LDLRAD4: variants seen among roughly 807,000 people sequenced by gnomAD.
LDLRAD4 encodes low-density lipoprotein receptor class A domain-containing protein 4.
LDLRAD4 carries 5 observed loss-of-function variants against 17.0 expected under a neutral mutation model. That is an observed-to-expected ratio of 0.29 (90% confidence interval 0.15 to 0.62). The LOEUF (loss-of-function observed/expected upper bound fraction) is 0.62. LDLRAD4 is among the 20% of genes least tolerant of loss of function. LDLRAD4 has a pLI of 0.84. For synonymous variants in LDLRAD4, 168 were observed against 171.8 expected (o/e 0.98, Z 0.17); for missense variants, 340 against 424.7 (o/e 0.80, Z 1.75).
At chr18:13,349,330 A>G (rs978663847) in intron 1 of LDLRAD4, among the ~76,000 whole-genome samples, 41 of 152,208 alleles carry the variant, frequency 2.7e-4, no homozygotes, top group African/African-American at 8.7e-4. Flanking sequence ...ATGTCTTTGT[A>G]TATTGTGTGT....
intron 3 of LDLRAD4, among the ~76,000 whole-genome samples, chr18:13,567,422 G>A (rs907250388): frequency 1.3e-5 from 2 of 152,196 alleles, no homozygotes; most frequent in African/African-American, 4.8e-5. Context: ...TGCTGCCGTA[G>A]GGCCTGCCTG....
chr18:13,556,610 C>G (rs1392781714), intron 3 of LDLRAD4, among the ~76,000 whole-genome samples: 1 of 152,156 alleles, frequency 6.6e-6, no homozygotes, highest in East Asian at 1.9e-4. Flanking sequence ...CTTCACAGAA[C>G]AGGGAGTACT....
At chr18:13,406,090 A>G (rs1323078089) in intron 2 of LDLRAD4, among the ~76,000 whole-genome samples, 1 of 152,258 alleles carries the variant, frequency 6.6e-6, no homozygotes, top group Non-Finnish European at 1.5e-5. Flanking sequence ...CTGTCATCTA[A>G]CAGTGCTGGG....
intron 2 of LDLRAD4, 130 bp downstream of exon 3, chr18:13,387,892 C>T: frequency 1.3e-6 from 1 of 749,334 alleles, no homozygotes; most frequent in Non-Finnish European, 2.3e-6. Context: ...AGGGCTCAGG[C>T]TGCTGTGGTG....
chr18:13,624,430 G>A (rs2040933914), intron 4 of LDLRAD4, among the ~76,000 whole-genome samples: 1 of 152,234 alleles, frequency 6.6e-6, no homozygotes, highest in Non-Finnish European at 1.5e-5. Flanking sequence ...GAGTAGGAGG[G>A]GGAAACAGTG....
intron 3 of LDLRAD4, among the ~76,000 whole-genome samples, chr18:13,532,748 G>A (rs1018664901): frequency 5.3e-5 from 8 of 152,244 alleles, no homozygotes; most frequent in African/African-American, 1.9e-4. Flanking sequence ...AGGTTTAATA[G>A]CAGTGGCGCT....
chr18:13,508,153 C>T (rs1296011702), intron 3 of LDLRAD4, among the ~76,000 whole-genome samples: 1 of 152,208 alleles, frequency 6.6e-6, no homozygotes, highest in African/African-American at 2.4e-5. Flanking sequence ...TAATCCAGAG[C>T]AAGATCCTAA....
chr18:13,359,951 T>C (rs2083565209), intron 1 of LDLRAD4, among the ~76,000 whole-genome samples: 1 of 152,230 alleles, frequency 6.6e-6, no homozygotes, highest in African/African-American at 2.4e-5. Flanking sequence ...CAATTGGACA[T>C]TGATTAGCTT....
rs939526021 is a variant in LDLRAD4 at position 13,645,108 on chromosome 18, TCTC to T, written c.391-15_391-13del. The T allele has an allele frequency of 1.9e-6, 3 of 1,586,342 alleles. No homozygotes were observed. The highest frequency in any genetic ancestry group is 2.7e-5 in the African/African-American group (2 of 74,310). Reference sequence around the variant, plus strand: ...ATTGCGCTCAAACTGTCTTCAAGCCTCTCCTCTTTTCCTTCCAGATCATGCATG... The same window carrying T: ...ATTGCGCTCAAACTGTCTTCAAGCCTCTCTTTTCCTTCCAGATCATGCATG... On this transcript the variant is annotated splice_polypyrimidine_tract_variant and intron_variant, in intron 5 of 5. Coordinates refer to ENST00000359446, the Ensembl canonical transcript of LDLRAD4. The surrounding 1 kb of genome is among the most constrained non-coding windows in gnomAD (Gnocchi z 5.7).
intron 1 of LDLRAD4, among the ~76,000 whole-genome samples, chr18:13,310,549 A>C (rs1275733666): frequency 6.6e-6 from 1 of 152,226 alleles, no homozygotes; most frequent in Non-Finnish European, 1.5e-5. Context: ...AAGCCAGAGC[A>C]GGGCTTTGTG....
chr18:13,389,543 G>A (rs1013429222), intron 2 of LDLRAD4, among the ~76,000 whole-genome samples: 2 of 152,348 alleles, frequency 1.3e-5, no homozygotes, highest in Middle Eastern at 6.8e-3. Context: ...GAGGGAACAA[G>A]AAAAGAAAAG....
chr18:13,334,972 T>A (rs1351747115), intron 1 of LDLRAD4, among the ~76,000 whole-genome samples: 1 of 152,234 alleles, frequency 6.6e-6, no homozygotes, highest in East Asian at 1.9e-4. Context: ...GATATGACAA[T>A]TATGTTTTAT....
intron 2 of LDLRAD4, among the ~76,000 whole-genome samples, chr18:13,422,075 C>T (rs1375781080): frequency 6.6e-6 from 1 of 152,202 alleles, no homozygotes; most frequent in African/African-American, 2.4e-5. Context: ...GGTCAGTTAC[C>T]GTTTATCTAA....
At chr18:13,461,023 C>T (rs1029281481) in intron 3 of LDLRAD4, 1 of 152,262 alleles carries the variant, frequency 6.6e-6, no homozygotes, top group Non-Finnish European at 1.5e-5. Flanking sequence ...CTGCACCAAC[C>T]TTTGTCCGCC....
chr18:13,239,385 A>C (rs2042510754), intron 1 of LDLRAD4, among the ~76,000 whole-genome samples: 1 of 152,132 alleles, frequency 6.6e-6, no homozygotes, highest in Admixed American at 6.5e-5. Flanking sequence ...TTAGAAGTTT[A>C]AACAGACTCC....
Position 13,351,668 on chromosome 18 carries a change from A to G in LDLRAD4, c.-382-35673A>G, listed in dbSNP as rs569383643. 4.0e-3 allele frequency among the ~76,000 whole-genome samples: 614 copies of G among 152,282 alleles called. 4 individuals are homozygous for G. The highest frequency in any genetic ancestry group is 6.9e-3 in the Non-Finnish European group (466 of 68,010). ...CCCAGGACCAGACAGATTCACAGCC[A>G]AATTCTACCAGAGATACAGAGAGTA... On this transcript the variant is annotated intron_variant, in intron 1 of 5. Transcript: ENST00000359446.
At chr18:13,470,742 G>A (rs954366325) in intron 3 of LDLRAD4, 1 of 151,624 alleles carries the variant, frequency 6.6e-6, no homozygotes, top group African/African-American at 2.4e-5. Context: ...GCTGGGGTCA[G>A]TTCTGCTTCC....
At chr18:13,609,309 C>T (rs1042628415) in intron 3 of LDLRAD4, among the ~76,000 whole-genome samples, 6 of 152,202 alleles carry the variant, frequency 3.9e-5, no homozygotes, top group African/African-American at 1.2e-4. Context: ...CCCTGAGTCA[C>T]GACTTGACCT....
intron 3 of LDLRAD4, among the ~76,000 whole-genome samples, chr18:13,491,077 T>C (rs3809901): frequency 0.25 from 38,574 of 152,092 alleles, 5,152 homozygotes; most frequent in East Asian, 0.38. Context: ...GGCTGCTCTC[T>C]ACCATCTAGA....
Sources: allele counts gnomAD v4.1 joint callset (sites outside exome capture counted in the v4.1 genomes callset), GRCh38; gene constraint gnomAD v4.1.1; non-coding constraint Gnocchi (gnomAD v3.1); transcripts MANE v1.5; gene names NCBI Gene and HGNC (gene_info 2026-07-23, HGNC 2026-07-21).